Variants in AKAP6 observed in about 807,000 individuals in gnomAD.
AKAP6 encodes the protein A-kinase anchor protein 6.
A neutral mutation model predicts 188.5 loss-of-function variants in AKAP6; 58 were observed. The observed-to-expected ratio is 0.31, with a 90% CI of 0.25 to 0.38. The LOEUF (loss-of-function observed/expected upper bound fraction) is 0.38. Among genes scored for constraint, AKAP6 ranks in the 10% least tolerant of loss-of-function variants. AKAP6 has a pLI of 1.00. For synonymous variants in AKAP6, 989 were observed against 998.6 expected, an observed-to-expected ratio of 0.99 and a Z score of 0.18; for missense variants, 2,710 against 2,740.0, an observed-to-expected ratio of 0.99 and a Z score of 0.24.
chr14:32,804,543 A>T (rs2034038858), intron 12 of AKAP6, among the ~76,000 whole-genome samples: 1 of 152,204 alleles, frequency 6.6e-6, no homozygotes, highest in Non-Finnish European at 1.5e-5. Context: ...CTTCTGAGGG[A>T]ACAGGACAAA....
intron 9 of AKAP6, among the ~76,000 whole-genome samples, chr14:32,720,144 C>T (rs962180654): frequency 6.6e-6 from 1 of 152,204 alleles, no homozygotes. Context: ...GCAATTCATA[C>T]ATCACTTAGT....
intron 12 of AKAP6, among the ~76,000 whole-genome samples, chr14:32,817,062 G>A (rs960694045): frequency 4.6e-5 from 7 of 151,994 alleles, no homozygotes; most frequent in East Asian, 1.9e-4. Context: ...ATCTAGAGGC[G>A]GCTACATCAA....
At chr14:32,530,854 CT>C (rs1432207692) in intron 2 of AKAP6, among the ~76,000 whole-genome samples, 5 of 152,076 alleles carry the variant, frequency 3.3e-5, no homozygotes, top group African/African-American at 1.2e-4. Flanking sequence ...AAAGGTACCC[CT>C]CTCACATAAG....
At chr14:32,745,067 G>A (rs1318520546) in intron 11 of AKAP6, among the ~76,000 whole-genome samples, 1 of 152,024 alleles carries the variant, frequency 6.6e-6, no homozygotes, top group Non-Finnish European at 1.5e-5. Flanking sequence ...TTGTCTGAAA[G>A]GTCACATATC....
At chr14:32,335,842 CTTTTTTTTTTT>C (rs375076849) in intron 1 of AKAP6, among the ~76,000 whole-genome samples, 1 of 94,026 alleles carries the variant, frequency 1.1e-5, no homozygotes, top group Non-Finnish European at 2.1e-5. Context: ...TCCTTTTCTC[CTTTTTTTTTTT>C]TTTTTTTTTT....
chr14:32,375,099 CT>C (rs1487167376), intron 1 of AKAP6, among the ~76,000 whole-genome samples: 1 of 152,052 alleles, frequency 6.6e-6, no homozygotes, highest in East Asian at 1.9e-4. Context: ...TGAAACAGTA[CT>C]AATCAATTCA....
At chr14:32,404,872 C>T (rs1314647851) in intron 1 of AKAP6, among the ~76,000 whole-genome samples, 2 of 150,454 alleles carry the variant, frequency 1.3e-5, no homozygotes, top group African/African-American at 2.4e-5. Context: ...GTCTTTCCAT[C>T]CCTGGGTCTG....
At chr14:32,355,979 A>G (rs1244992093) in intron 1 of AKAP6, among the ~76,000 whole-genome samples, 1 of 151,966 alleles carries the variant, frequency 6.6e-6, no homozygotes, top group Non-Finnish European at 1.5e-5. Context: ...GGGTTTCACC[A>G]TGTTGCCCAG....
At chr14:32,415,148 T>C (rs550905726) in intron 1 of AKAP6, among the ~76,000 whole-genome samples, 9 of 152,298 alleles carry the variant, frequency 5.9e-5, no homozygotes, top group South Asian at 2.1e-4. Flanking sequence ...TTGGGAGATA[T>C]TGCATTACAC....
At chr14:32,533,416 T>C (rs1882520135) in intron 2 of AKAP6, among the ~76,000 whole-genome samples, 1 of 152,096 alleles carries the variant, frequency 6.6e-6, no homozygotes, top group Admixed American at 6.5e-5. Flanking sequence ...TACTATAGTG[T>C]CTCAGGTGAG....
chr14:32,343,875 C>A (rs1008186242), intron 1 of AKAP6, among the ~76,000 whole-genome samples: 6 of 150,760 alleles, frequency 4.0e-5, no homozygotes, highest in Admixed American at 6.6e-5. Context: ...TTTCTTCTTA[C>A]AACCTTTGCC....
At chr14:32,601,031 G>C (rs567997245) in intron 7 of AKAP6, among the ~76,000 whole-genome samples, 38 of 152,212 alleles carry the variant, frequency 2.5e-4, no homozygotes, top group Admixed American at 1.2e-3. Flanking sequence ...GTGGGGGACA[G>C]TACTTTAAGG....
chr14:32,436,805 G>A (rs977127570), intron 2 of AKAP6, among the ~76,000 whole-genome samples: 1 of 152,064 alleles, frequency 6.6e-6, no homozygotes, highest in Non-Finnish European at 1.5e-5. Flanking sequence ...GCATGGTGGT[G>A]TGCACCTGTA....
chr14:32,357,556 A>G (rs1412256111), intron 1 of AKAP6, among the ~76,000 whole-genome samples: 1 of 152,256 alleles, frequency 6.6e-6, no homozygotes, highest in Non-Finnish European at 1.5e-5. Context: ...GCAAGTCTTT[A>G]CTGTGGACTG....
At chr14:32,794,986 A>G (rs531304055) in intron 12 of AKAP6, among the ~76,000 whole-genome samples, 3 of 152,282 alleles carry the variant, frequency 2.0e-5, no homozygotes, top group Non-Finnish European at 4.4e-5. Flanking sequence ...AAATACAACC[A>G]TTAGAAAATA....
chr14:32,664,934 C>T (rs914308316), intron 7 of AKAP6, among the ~76,000 whole-genome samples: 25 of 152,104 alleles, frequency 1.6e-4, no homozygotes, highest in African/African-American at 5.6e-4. Context: ...CCACCCATAG[C>T]TTTTCTTAAA....
At chr14:32,475,647 C>T (rs1053931790) in intron 2 of AKAP6, among the ~76,000 whole-genome samples, 1 of 151,200 alleles carries the variant, frequency 6.6e-6, no homozygotes, top group African/African-American at 2.4e-5. Flanking sequence ...ATCTGATGAG[C>T]AGAGTCTGCA....
At chr14:32,686,525 C>T (rs1402503270) in intron 8 of AKAP6, among the ~76,000 whole-genome samples, 2 of 152,034 alleles carry the variant, frequency 1.3e-5, no homozygotes, top group African/African-American at 4.8e-5. Flanking sequence ...TTACTTATTG[C>T]ACTCCTGTAC....
rs1408782585 is a variant in AKAP6, at chr14:32,535,676, C to G, written c.447C>G (p.Leu149=). The change falls in exon 3 of 14, where the codon CTC becomes CTG. Residue 149 remains leucine, a synonymous_variant. Transcript: ENST00000280979. ...NVIVDIHAVQ[L]LWHQLRVSVL... ...TAGTGGACATCCACGCAGTGCAGCT[C>G]CTCTGGCACCAGCTTCGAGTCTCAG... 1.9e-6 allele frequency: 3 copies of G among 1,614,242 alleles called. No individual in the cohort carries two copies. The South Asian group carries it at 3.3e-5, about 18-fold the overall frequency.
Sources: allele counts gnomAD v4.1 joint callset (sites outside exome capture counted in the v4.1 genomes callset), GRCh38; gene constraint gnomAD v4.1.1; transcripts MANE v1.5; gene names NCBI Gene and HGNC (gene_info 2026-07-23, HGNC 2026-07-21).